Variants in DNAAF9 observed in about 807,000 individuals in gnomAD.
The protein encoded by DNAAF9 is dynein axonemal assembly factor 9.
A neutral mutation model predicts 167.0 loss-of-function variants in DNAAF9; 90 were observed. That is an observed-to-expected ratio of 0.54 (90% CI 0.45 to 0.64). The LOEUF is 0.64. DNAAF9 is among the 30% of genes least tolerant of loss of function. DNAAF9 has a pLI of 0.00. For missense variants in DNAAF9, 1,315 were observed against 1,442.2 expected (o/e 0.91, Z 1.43); for synonymous variants, 491 against 508.8 (o/e 0.96, Z 0.47).
chr20:3,296,048 T>C, intron 23 of DNAAF9: 1 of 897,970 alleles, frequency 1.1e-6, no homozygotes. Context: ...ACCCTGGTAG[T>C]AACCCTCATC....
At chr20:3,265,814 A>C (rs1036764644) in intron 30 of DNAAF9, among the ~76,000 whole-genome samples, 5 of 151,256 alleles carry the variant, frequency 3.3e-5, no homozygotes, top group Non-Finnish European at 7.4e-5. Context: ...AGTAGCTGGG[A>C]CTACAGGCAC....
At chr20:3,294,777 G>A (rs1168820078) in intron 23 of DNAAF9, 148 bp from the exon 24 acceptor site, 2 of 599,420 alleles carry the variant, frequency 3.3e-6, no homozygotes, top group Non-Finnish European at 6.0e-6. Flanking sequence ...AAAATGAGGT[G>A]TTAGTGCATG....
chr20:3,315,664 T>C lies in DNAAF9; in HGVS notation c.1590+71A>G. 1 of 1,208,048 alleles carries C rather than the reference T, an allele frequency of 8.3e-7. No homozygotes were observed. The highest frequency in any genetic ancestry group is 1.2e-6 in the Non-Finnish European group (1 of 809,728). The allele number at this position is 1,208,048 out of a possible 1,614,324, so 74.8% of individuals were successfully genotyped here. Reference sequence around the variant, plus strand: ...AGATTAGTAGTGAGATGAAGCATTTTAATACCTTTATGAATTGCTTACATT... The same window carrying C: ...AGATTAGTAGTGAGATGAAGCATTTCAATACCTTTATGAATTGCTTACATT... On this transcript the variant is annotated intron_variant, in intron 19 of 36. Coordinates refer to ENST00000252032, the MANE Select transcript of DNAAF9 (RefSeq NM_001009984.3). This position sits in a 1 kb window ranked among gnomAD's most constrained non-coding sequence, Gnocchi z 4.1.
chr20:3,267,218 A>G (rs985397954), intron 30 of DNAAF9, among the ~76,000 whole-genome samples: 2 of 152,200 alleles, frequency 1.3e-5, no homozygotes, highest in African/African-American at 4.8e-5. Flanking sequence ...TCATAGTTCC[A>G]GTATTATCAT....
At chr20:3,311,763 T>C (rs1211474981) in intron 20 of DNAAF9, among the ~76,000 whole-genome samples, 1 of 152,196 alleles carries the variant, frequency 6.6e-6, no homozygotes, top group Non-Finnish European at 1.5e-5. Flanking sequence ...TATATAGGCA[T>C]GTGTGGTAAA....
chr20:3,315,941 G>A lies in DNAAF9; in HGVS notation c.1540-156C>T. The A allele has an allele frequency of 9.0e-6, 6 of 668,120 alleles. No homozygotes were observed. Among genetic ancestry groups the A allele is most frequent in the Admixed American group, 2.3e-5 (1 of 42,836 alleles). The allele number at this position is 668,120 out of a possible 1,614,324, so 41.4% of individuals were successfully genotyped here. On this transcript the variant is annotated intron_variant, in intron 18 of 36. Transcript: ENST00000252032. This position sits in a 1 kb window ranked among gnomAD's most constrained non-coding sequence, Gnocchi z 4.1. ...TCTCAGGCCCTGACACACCTGAGAT[G>A]TCTGCTGGTCACCTGGGCTCAGAGC...
At chr20:3,370,090 G>A (rs1380592466) in intron 6 of DNAAF9, among the ~76,000 whole-genome samples, 1 of 152,068 alleles carries the variant, frequency 6.6e-6, no homozygotes, top group Non-Finnish European at 1.5e-5. Context: ...ACTGGAAGGT[G>A]TATATTCCTG....
At chr20:3,343,915 T>G (rs563753613) in intron 8 of DNAAF9, among the ~76,000 whole-genome samples, 184 bp from the exon 9 acceptor site, 1 of 152,046 alleles carries the variant, frequency 6.6e-6, no homozygotes, top group Non-Finnish European at 1.5e-5. Flanking sequence ...GAGAGATGTT[T>G]GTAGATTATT....
chr20:3,405,518 C>G (rs1258321869), intron 1 of DNAAF9, among the ~76,000 whole-genome samples: 1 of 152,150 alleles, frequency 6.6e-6, no homozygotes. Flanking sequence ...TTTCTTTCAC[C>G]AAAGGTATTG....
chr20:3,322,735 C>G, intron 14 of DNAAF9, 39 bp from the exon 15 acceptor site: 1 of 1,481,534 alleles, frequency 6.7e-7, no homozygotes. Flanking sequence ...AATCAGTCTG[C>G]TCCTGCTCCT....
intron 7 of DNAAF9, among the ~76,000 whole-genome samples, chr20:3,354,103 C>G (rs2083253804): frequency 6.6e-6 from 1 of 152,180 alleles, no homozygotes; most frequent in South Asian, 2.1e-4. Context: ...GCCCACTTTA[C>G]AGAAGAGACT....
chr20:3,284,347 A>AT (rs1382945032), intron 27 of DNAAF9, among the ~76,000 whole-genome samples: 1 of 151,772 alleles, frequency 6.6e-6, no homozygotes, highest in Non-Finnish European at 1.5e-5. Context: ...CACCCAGCTA[A>AT]TTTTTTGTAT....
At position 3,296,968 on chromosome 20, in the gene DNAAF9, G is replaced by A; in HGVS notation, c.1930-19C>T. ...AGAAGACCTAAACAAAACAGAATTT[G>A]AGCAAAGAACACTTTAAACCCAACA... On this transcript the variant is annotated intron_variant, in intron 22 of 36. Transcript: ENST00000252032. The A allele has an allele frequency of 6.8e-7, 1 of 1,476,438 alleles. No individual in the cohort carries two copies. The highest frequency in any genetic ancestry group is 9.5e-7 in the Non-Finnish European group (1 of 1,056,428). 91.5% of individuals were successfully genotyped at this position (1,476,438 alleles called of 1,614,324 possible). A position where few individuals can be genotyped will look rare whatever the true frequency, so the allele number is the denominator to read the frequency against.
intron 35 of DNAAF9, 67 bp downstream of exon 35, chr20:3,255,152 T>G (rs2068255836): frequency 1.0e-6 from 1 of 967,450 alleles, no homozygotes; most frequent in East Asian, 2.6e-5. Context: ...GAATCCAAAA[T>G]ACAGAGCTAG....
intron 27 of DNAAF9, among the ~76,000 whole-genome samples, chr20:3,284,533 G>GTATGACTCAACTGTAT (rs34464592): frequency 2.6e-5 from 4 of 151,692 alleles, no homozygotes; most frequent in African/African-American, 9.7e-5. Context: ...GTATGACGAA[G>GTATGACTCAACTGTAT]GCAAAAAACT....
chr20:3,315,759 A>G lies in DNAAF9; in HGVS notation c.1566T>C (p.Ser522=). 1 of 1,613,838 alleles carries G rather than the reference A, an allele frequency of 6.2e-7. No individual in the cohort carries two copies. Among genetic ancestry groups the G allele is most frequent in the Non-Finnish European group, 8.5e-7 (1 of 1,179,684 alleles). The change falls in exon 19 of 37, where the codon TCT becomes TCC. Residue 522 remains serine (S), a synonymous_variant. Coordinates refer to ENST00000252032, the MANE Select transcript of DNAAF9 (RefSeq NM_001009984.3). The surrounding 1 kb of genome is among the most constrained non-coding windows in gnomAD (Gnocchi z 4.1). ...WLVEDNEVKL[S]EKTQQAVRGD... is the part of the protein sequence containing the mutation. The stretch of plus-strand genomic sequence containing the variant: ...CCCTCACTGCTTGCTGGGTTTTCTC[A>G]GACAATTTTACTTCATTATCTTCCA...
intron 36 of DNAAF9, 43 bp downstream of exon 36, chr20:3,253,683 A>G (rs780903999): frequency 8.3e-6 from 10 of 1,202,874 alleles, no homozygotes; most frequent in Non-Finnish European, 1.2e-5. Context: ...TCCCAGCCTC[A>G]CTGCCCGGGT....
intron 31 of DNAAF9, among the ~76,000 whole-genome samples, chr20:3,263,177 C>T (rs1189505564): frequency 1.3e-5 from 2 of 151,798 alleles, no homozygotes; most frequent in East Asian, 1.9e-4. Flanking sequence ...GGTTTCACCA[C>T]GTTAGCCAGG....
At chr20:3,306,360 C>G (rs770328495) in intron 20 of DNAAF9, among the ~76,000 whole-genome samples, 186 of 152,330 alleles carry the variant, frequency 1.2e-3, no homozygotes, top group Non-Finnish European at 2.3e-3. Context: ...TCATCCACAT[C>G]AAGGGCAGAT....
Sources: gnomAD v4.1 joint callset for allele counts (sites outside exome capture counted in the v4.1 genomes callset) on GRCh38, gnomAD v4.1.1 for gene constraint, Gnocchi (gnomAD v3.1) non-coding constraint, MANE v1.5 for transcripts, NCBI Gene and HGNC (gene_info 2026-07-23, HGNC 2026-07-21) for gene names.